Variants in ATP8A1 observed in about 807,000 individuals in gnomAD.
ATP8A1 encodes the protein ATPase phospholipid transporting 8A1.
Under a neutral mutation model 177.7 loss-of-function variants are expected in ATP8A1, and 90 were observed. That is an observed-to-expected ratio of 0.51 (90% CI 0.43 to 0.60). The LOEUF is 0.60. ATP8A1 is among the 20% of genes least tolerant of loss of function. The pLI is 0.00. For missense variants in ATP8A1, 1,072 were observed against 1,392.8 expected (o/e 0.77, Z 3.67); for synonymous variants, 493 against 485.9 (o/e 1.01, Z -0.19).
intron 9 of ATP8A1, among the ~76,000 whole-genome samples, chr4:42,584,267 TGGA>T (rs139112590): frequency 0.018 from 2,712 of 152,078 alleles, 70 homozygotes; most frequent in African/African-American, 0.061. Flanking sequence ...AAGAAGGGAA[TGGA>T]GGAGGAGAAA....
At chr4:42,636,156 A>ATGCGCGCGCG (rs1553920760) in intron 1 of ATP8A1, among the ~76,000 whole-genome samples, 1 of 90,898 alleles carries the variant, frequency 1.1e-5, no homozygotes, top group South Asian at 4.2e-4. Context: ...ACACACACAC[A>ATGCGCGCGCG]CGCACACACA....
intron 20 of ATP8A1, 47 bp downstream of exon 20, chr4:42,543,870 T>TA (rs1164469334): frequency 7.2e-7 from 1 of 1,383,490 alleles, no homozygotes; most frequent in Non-Finnish European, 1.0e-6. Flanking sequence ...ATATACATTA[T>TA]AAACCATCAT....
intron 24 of ATP8A1, among the ~76,000 whole-genome samples, chr4:42,498,241 T>C (rs1050014028): frequency 1.2e-4 from 18 of 152,210 alleles, no homozygotes; most frequent in Admixed American, 1.2e-3. Context: ...TGGATTTCTT[T>C]CAGAAGCCAT....
At chr4:42,471,274 C>T (rs188596787) in intron 25 of ATP8A1, among the ~76,000 whole-genome samples, 14 of 152,264 alleles carry the variant, frequency 9.2e-5, no homozygotes, top group Admixed American at 8.5e-4. Flanking sequence ...CTCTCCTAGC[C>T]TCCAAAACCA....
intron 20 of ATP8A1, among the ~76,000 whole-genome samples, chr4:42,531,680 C>T (rs1727275354): frequency 6.6e-6 from 1 of 152,082 alleles, no homozygotes; most frequent in African/African-American, 2.4e-5. Flanking sequence ...AAGACTCTAA[C>T]AAAAAACTTA....
intron 23 of ATP8A1, among the ~76,000 whole-genome samples, chr4:42,504,837 G>A (rs918568246): frequency 1.3e-5 from 2 of 152,342 alleles, no homozygotes; most frequent in African/African-American, 4.8e-5. Context: ...GGGAGGCCCC[G>A]TCCACCCTGG....
At chr4:42,586,530 C>A (rs1367369455) in intron 8 of ATP8A1, 54 bp from the exon 9 acceptor site, 2 of 1,543,172 alleles carry the variant, frequency 1.3e-6, no homozygotes, top group African/African-American at 1.4e-5. Context: ...TGTATCTGGG[C>A]AAAGAGGAGG....
chr4:42,433,772 C>T (rs143551246), intron 33 of ATP8A1, among the ~76,000 whole-genome samples: 203 of 151,350 alleles, frequency 1.3e-3, no homozygotes, highest in African/African-American at 4.8e-3. Flanking sequence ...GTTATCATCT[C>T]GTGGGGGCTA....
At chr4:42,422,671 C>T (rs1577900540) in intron 35 of ATP8A1, 136 bp downstream of exon 35, 1 of 668,548 alleles carries the variant, frequency 1.5e-6, no homozygotes, top group East Asian at 2.7e-5. Flanking sequence ...ATCCACATGT[C>T]TCTGACTCCC....
At chr4:42,417,800 C>T (rs1713418492) in intron 35 of ATP8A1, among the ~76,000 whole-genome samples, 1 of 152,176 alleles carries the variant, frequency 6.6e-6, no homozygotes, top group Admixed American at 6.5e-5. Context: ...TAATGTATAG[C>T]ATGCAATAGC....
At chr4:42,420,587 T>C (rs1713789455) in intron 35 of ATP8A1, among the ~76,000 whole-genome samples, 1 of 152,128 alleles carries the variant, frequency 6.6e-6, no homozygotes, top group African/African-American at 2.4e-5. Context: ...GATTTATGAA[T>C]TGAAGTCATT....
At chr4:42,455,755 T>C (rs1718416463) in intron 27 of ATP8A1, among the ~76,000 whole-genome samples, 156 bp from the exon 28 acceptor site, 1 of 152,226 alleles carries the variant, frequency 6.6e-6, no homozygotes, top group Non-Finnish European at 1.5e-5. Context: ...TACTTTCTGA[T>C]TGAAAGAGAT....
At chr4:42,432,910 A>G (rs1198998493) in intron 33 of ATP8A1, among the ~76,000 whole-genome samples, 1 of 152,224 alleles carries the variant, frequency 6.6e-6, no homozygotes, top group Non-Finnish European at 1.5e-5. Flanking sequence ...TGGTATATAT[A>G]TTCACATCAA....
chr4:42,476,563 C>A (rs1578011664), intron 25 of ATP8A1, among the ~76,000 whole-genome samples: 1 of 151,076 alleles, frequency 6.6e-6, no homozygotes, highest in South Asian at 2.1e-4. Context: ...AGGTTGCAGT[C>A]AGCTGAGATC....
intron 1 of ATP8A1, among the ~76,000 whole-genome samples, chr4:42,636,148 A>ACGCGCGCGCGTG (rs767029159): frequency 2.5e-4 from 8 of 31,870 alleles, no homozygotes; most frequent in South Asian, 1.3e-3. Flanking sequence ...ACACACACAC[A>ACGCGCGCGCGTG]CACACACACG....
At chr4:42,559,678 T>G (rs979016202) in intron 15 of ATP8A1, among the ~76,000 whole-genome samples, 3 of 152,248 alleles carry the variant, frequency 2.0e-5, no homozygotes, top group Non-Finnish European at 4.4e-5. Flanking sequence ...AGTACTTGTT[T>G]TTTGTTTTGA....
chr4:42,486,795 C>T (rs1399615002), intron 24 of ATP8A1, among the ~76,000 whole-genome samples: 1 of 152,158 alleles, frequency 6.6e-6, no homozygotes, highest in African/African-American at 2.4e-5. Context: ...CAACCGCCTA[C>T]AGTATTCAGT....
chr4:42,522,072 T>C (rs959706102), intron 22 of ATP8A1, 88 bp downstream of exon 22: 8 of 1,445,838 alleles, frequency 5.5e-6, no homozygotes, highest in Middle Eastern at 1.8e-4. Context: ...CAAGATATTT[T>C]GATTTTTATT....
intron 1 of ATP8A1, among the ~76,000 whole-genome samples, chr4:42,640,038 A>G (rs1459082695): frequency 6.6e-6 from 1 of 152,240 alleles, no homozygotes; most frequent in Non-Finnish European, 1.5e-5. Flanking sequence ...CTTTTGATCC[A>G]TGATTGGCTG....
Sources: gnomAD v4.1 joint callset for allele counts (sites outside exome capture counted in the v4.1 genomes callset) on GRCh38, gnomAD v4.1.1 for gene constraint, MANE v1.5 for transcripts, NCBI Gene and HGNC (gene_info 2026-07-23, HGNC 2026-07-21) for gene names.